LRP6: variants seen among roughly 807,000 people sequenced by gnomAD.
LRP6 encodes LDL receptor related protein 6, also known as low-density lipoprotein receptor-related protein 6.
A neutral mutation model predicts 184.1 loss-of-function variants in LRP6; 43 were observed. That is an observed-to-expected ratio of 0.23 (90% confidence interval 0.18 to 0.30). The LOEUF is 0.30. LRP6 is among the 10% of genes least tolerant of loss of function. The pLI is 1.00. For missense variants in LRP6, 1,571 were observed against 2,005.3 expected, an observed-to-expected ratio of 0.78 and a Z score of 4.14; for synonymous variants, 719 against 684.9, an observed-to-expected ratio of 1.05 and a Z score of -0.78.
At chr12:12,264,773 C>G (rs983597919) in intron 1 of LRP6, among the ~76,000 whole-genome samples, 1 of 152,140 alleles carries the variant, frequency 6.6e-6, no homozygotes, top group Admixed American at 6.6e-5. Context: ...ATAATATGTA[C>G]TCACAGCTAA....
chr12:12,196,193 A>G (rs1250238307), intron 3 of LRP6, among the ~76,000 whole-genome samples: 1 of 147,740 alleles, frequency 6.8e-6, no homozygotes, highest in Admixed American at 6.8e-5. Context: ...GGTCCCATAC[A>G]AATTTTAGGA....
intron 9 of LRP6, among the ~76,000 whole-genome samples, chr12:12,164,059 G>A (rs1467416842): frequency 2.6e-5 from 4 of 151,874 alleles, no homozygotes; most frequent in Non-Finnish European, 5.9e-5. Context: ...GAACCTGGGA[G>A]GCAGGGGTTG....
rs890268575 is a variant in LRP6, at chr12:12,181,147, G to A, written c.1269C>T (p.Gly423=). ...GCCTTGTCACTTCTATTCGATCAGT[G>A]CCAGTGTCTGTCCAATAAAGATTTC... ...VARNLYWTDT[G]TDRIEVTRLN... is the part of the protein sequence containing the mutation. The change falls in exon 6 of 23, where the codon GGC becomes GGT. Residue 423 remains glycine (G), a synonymous_variant. Transcript: ENST00000261349. 6 of 1,613,966 alleles carry A rather than the reference G, an allele frequency of 3.7e-6. No individual in the cohort carries two copies. Among genetic ancestry groups the A allele is most frequent in the Non-Finnish European group, 4.2e-6 (5 of 1,179,992 alleles).
intron 16 of LRP6, 30 bp from the exon 17 acceptor site, chr12:12,135,330 A>T (rs147525554): frequency 4.2e-6 from 6 of 1,434,494 alleles, no homozygotes; most frequent in Non-Finnish European, 4.9e-6. Flanking sequence ...GGATGGGGAG[A>T]GGAGGGGGAG....
At chr12:12,163,132 T>A (rs1862781725) in intron 9 of LRP6, among the ~76,000 whole-genome samples, 1 of 152,000 alleles carries the variant, frequency 6.6e-6, no homozygotes, top group Non-Finnish European at 1.5e-5. Flanking sequence ...TGCGCCACCA[T>A]GACCAGCTAA....
chr12:12,203,151 CA>C (rs1245727547), intron 3 of LRP6, 51 bp downstream of exon 3: 3 of 1,323,106 alleles, frequency 2.3e-6, no homozygotes, highest in Non-Finnish European at 3.2e-6. Context: ...TGTAATGTAT[CA>C]AGGCTTCATC....
intron 7 of LRP6, among the ~76,000 whole-genome samples, chr12:12,166,404 A>G (rs529993348): frequency 2.0e-5 from 3 of 152,340 alleles, no homozygotes; most frequent in Middle Eastern, 3.4e-3. Flanking sequence ...GGAGAGTTCA[A>G]TCATTCTATT....
chr12:12,254,505 C>T (rs1388241003), intron 1 of LRP6, among the ~76,000 whole-genome samples: 1 of 152,000 alleles, frequency 6.6e-6, no homozygotes, highest in Non-Finnish European at 1.5e-5. Context: ...TTTTGTAAAC[C>T]GAAATAAACA....
chr12:12,147,399 C>T lies in LRP6; in HGVS notation c.3364G>A (p.Asp1122Asn), dbSNP rs775109095. The change falls in exon 15 of 23, where the codon GAT becomes AAT. Residue 1122 changes from aspartate to asparagine, a missense_variant. This residue lies in a region of LRP6 where 763 missense variants were observed against 859.5 expected (regional missense o/e 0.89). Coordinates refer to ENST00000261349, the MANE Select transcript of LRP6 (RefSeq NM_002336.3). Reference sequence around the variant, plus strand: ...TCACTGCTTTCAATTCGCCGGAGATCTGAATCAGCCCAAAAGAGCTTGCCC... The same window carrying T: ...TCACTGCTTTCAATTCGCCGGAGATTTGAATCAGCCCAAAAGAGCTTGCCC... ...RLGKLFWADSDLRRIESSDLS... is the reference protein window; with the variant it reads ...RLGKLFWADSNLRRIESSDLS... The T allele has an allele frequency of 1.9e-6, 3 of 1,614,166 alleles. No individual in the cohort carries two copies. Among genetic ancestry groups the T allele is most frequent in the South Asian group, 1.1e-5 (1 of 91,092 alleles).
At chr12:12,169,283 GA>G (rs1862968480) in intron 7 of LRP6, among the ~76,000 whole-genome samples, 1 of 151,774 alleles carries the variant, frequency 6.6e-6, no homozygotes, top group Non-Finnish European at 1.5e-5. Context: ...CGCAGTGTGG[GA>G]CAGACTACAA....
Position 12,163,575 on chromosome 12 carries a change from CATT to C in LRP6, c.2052+695_2052+697del, listed in dbSNP as rs1478428631. ...AGGAAGAAGAAAATAAAGAATAACT[CATT>C]GTTGGCCTTTTCCGCCTCAGTCAGG... On this transcript the variant is annotated intron_variant, in intron 9 of 22. Coordinates refer to ENST00000261349, the MANE Select transcript of LRP6 (RefSeq NM_002336.3). Among the ~76,000 whole-genome samples, 15 of 152,266 alleles carry C rather than the reference CATT, an allele frequency of 9.9e-5. No homozygotes were observed. In the South Asian group the frequency reaches 2.9e-3, roughly 29 times the overall value.
Position 12,164,318 on chromosome 12 carries a change from A to C in LRP6, c.2007T>G (p.Phe669Leu). 2 of 1,614,146 alleles carry C rather than the reference A, an allele frequency of 1.2e-6. No homozygotes were observed. Among genetic ancestry groups the C allele is most frequent in the Non-Finnish European group, 1.7e-6 (2 of 1,179,986 alleles). The change falls in exon 9 of 23, where the codon TTT (phenylalanine) becomes TTG (leucine). Residue 669 changes from phenylalanine to leucine, a missense_variant. By Grantham distance (22) the Phe-to-Leu change is conservative. Coordinates refer to ENST00000261349, the MANE Select transcript of LRP6 (RefSeq NM_002336.3). ...AATAAATTCGGTTGTCTGTCACATC[A>C]AAATCCAAAGCAGAAGCTTCTTTGA... ...TGVKEASALD[F>L]DVTDNRIYWT...
In LRP6 at chr12:12,120,018, T is replaced by A. The variant is rs1460882309; in HGVS notation, c.*1108A>T. 2.3e-4 allele frequency: 24 copies of A among 103,686 alleles called. No homozygotes were observed. Among genetic ancestry groups the A allele is most frequent in the South Asian group, 3.0e-4 (1 of 3,314 alleles). 6.4% of individuals were successfully genotyped at this position (103,686 alleles called of 1,614,324 possible). Reference sequence around the variant, plus strand: ...ATATATATATATATATATATATATATATATATATATATATATATATATATA... The same window carrying A: ...ATATATATATATATATATATATATAAATATATATATATATATATATATATA... On this transcript the variant is annotated 3_prime_UTR_variant, in exon 23 of 23. Transcript: ENST00000261349.
At position 12,133,853 on chromosome 12, in the gene LRP6, G is replaced by GTTT. The variant is rs1565540058; in HGVS notation, c.3733+1321_3733+1322insAAA. Reference sequence around the variant, plus strand: ...AAACACATGCTATTTTTTGGGGGGGGGGGGGGGGGAGGGTAAAGTAACCAT... The same window carrying GTTT: ...AAACACATGCTATTTTTTGGGGGGGGTTTGGGGGGGGGAGGGTAAAGTAACCAT... On this transcript the variant is annotated intron_variant, in intron 17 of 22. Transcript: ENST00000261349. 2.1e-4 allele frequency among the ~76,000 whole-genome samples: 22 copies of GTTT among 104,316 alleles called. 3 individuals are homozygous for GTTT. In the South Asian group the frequency reaches 2.7e-3, roughly 13 times the overall value. 68.4% of individuals were successfully genotyped at this position (104,316 alleles called of 152,430 possible). A position where few individuals can be genotyped will look rare whatever the true frequency, so the allele number is the denominator to read the frequency against.
chr12:12,195,783 ATTTCCTCTATGG>A (rs1472245141), intron 3 of LRP6, among the ~76,000 whole-genome samples: 13 of 151,982 alleles, frequency 8.6e-5, no homozygotes, highest in Non-Finnish European at 1.8e-4. Flanking sequence ...GTCCTGAAGC[ATTTCCTCTATGG>A]TTTCCTCTAG....
Position 12,256,798 on chromosome 12 carries a change from T to G in LRP6, c.55+9883A>C, listed in dbSNP as rs533021261. Among the ~76,000 whole-genome samples the G allele has an allele frequency of 2.6e-5, 4 of 152,286 alleles. No homozygotes were observed. In the South Asian group the frequency reaches 6.2e-4, roughly 24 times the overall value. Reference sequence around the variant, plus strand: ...TCCTCCTTGGGTGATGAAGCAAGACTCTGTTTCAAAAAAAACAGATTTTTT... The same window carrying G: ...TCCTCCTTGGGTGATGAAGCAAGACGCTGTTTCAAAAAAAACAGATTTTTT... On this transcript the variant is annotated intron_variant, in intron 1 of 22. Transcript: ENST00000261349.
chr12:12,240,464 CG>C (rs1034917260), intron 2 of LRP6, among the ~76,000 whole-genome samples: 5 of 151,884 alleles, frequency 3.3e-5, no homozygotes, highest in African/African-American at 1.2e-4. Flanking sequence ...CCCAGCTACT[CG>C]GGAGGCTGAG....
Position 12,242,489 on chromosome 12 carries a change from A to G in LRP6, c.449+1773T>C, listed in dbSNP as rs868780057. Among the ~76,000 whole-genome samples, 20 of 152,358 alleles carry G rather than the reference A, an allele frequency of 1.3e-4. No individual in the cohort carries two copies. The South Asian group carries it at 1.4e-3, about 11-fold the overall frequency. On this transcript the variant is annotated intron_variant, in intron 2 of 22. Coordinates refer to ENST00000261349, the MANE Select transcript of LRP6 (RefSeq NM_002336.3). Reference sequence around the variant, plus strand: ...GTATTCTTCCCTAATGACGACTACAAGCACCAAAATCCTATGTGTTCTACA... The same window carrying G: ...GTATTCTTCCCTAATGACGACTACAGGCACCAAAATCCTATGTGTTCTACA...
intron 2 of LRP6, among the ~76,000 whole-genome samples, chr12:12,206,311 G>C (rs1864055124): frequency 1.3e-5 from 2 of 152,148 alleles, no homozygotes; most frequent in Admixed American, 1.3e-4. Context: ...GGGAGGCCGA[G>C]GCGGGCAGAT....
Sources: gnomAD v4.1 joint callset for allele counts (sites outside exome capture counted in the v4.1 genomes callset) on GRCh38, gnomAD v4.1.1 for gene constraint, gnomAD v4.1.1 regional missense constraint, MANE v1.5 for transcripts, NCBI Gene and HGNC (gene_info 2026-07-23, HGNC 2026-07-21) for gene names.